Variants in GRM7 observed in about 807,000 individuals in gnomAD.
GRM7 encodes the protein glutamate metabotropic receptor 7.
Under a neutral mutation model 84.5 loss-of-function variants are expected in GRM7, and 35 were observed. The observed-to-expected ratio is 0.41, with a 90% CI of 0.32 to 0.55. GRM7 has a LOEUF of 0.55. Ranked by LOEUF, GRM7 falls within the 20% of genes least tolerant of loss-of-function variation. The pLI is 0.19. For missense variants in GRM7, 1,003 were observed against 1,194.6 expected (o/e 0.84, Z 2.36); for synonymous variants, 487 against 455.1 (o/e 1.07, Z -0.89).
chr3:6,949,970 A>T (rs1477921733), intron 1 of GRM7, among the ~76,000 whole-genome samples: 2 of 152,012 alleles, frequency 1.3e-5, no homozygotes, highest in Non-Finnish European at 2.9e-5. Context: ...ATTTTTTTTC[A>T]AAGTTTTTAA....
At chr3:7,554,775 T>C (rs1264546841) in intron 7 of GRM7, among the ~76,000 whole-genome samples, 1 of 152,210 alleles carries the variant, frequency 6.6e-6, no homozygotes, top group Non-Finnish European at 1.5e-5. Context: ...AGCAGGTTGA[T>C]AGCCATAAGG....
At chr3:7,194,910 T>TGG (rs1695830865) in intron 2 of GRM7, among the ~76,000 whole-genome samples, 1 of 152,146 alleles carries the variant, frequency 6.6e-6, no homozygotes, top group African/African-American at 2.4e-5. Context: ...GATTCTATGA[T>TGG]AGTCTATCTT....
chr3:7,051,487 T>C (rs545275370), intron 1 of GRM7, among the ~76,000 whole-genome samples: 1 of 151,910 alleles, frequency 6.6e-6, no homozygotes, highest in Non-Finnish European at 1.5e-5. Flanking sequence ...AGGTAGCATT[T>C]CTCCAGTCTA....
chr3:6,983,107 A>C (rs1694269417), intron 1 of GRM7, among the ~76,000 whole-genome samples: 1 of 152,272 alleles, frequency 6.6e-6, no homozygotes, highest in African/African-American at 2.4e-5. Context: ...TTAGAAATGT[A>C]TTTTAATTGA....
At chr3:7,725,768 T>C (rs1255157099) in intron 9 of GRM7, among the ~76,000 whole-genome samples, 1 of 152,206 alleles carries the variant, frequency 6.6e-6, no homozygotes, top group Non-Finnish European at 1.5e-5. Flanking sequence ...GCTGGGGCTG[T>C]CCACTTTCTA....
intron 1 of GRM7, among the ~76,000 whole-genome samples, chr3:6,919,185 G>A (rs531773435): frequency 6.6e-6 from 1 of 151,748 alleles, no homozygotes; most frequent in Non-Finnish European, 1.5e-5. Context: ...TAAAATAAAT[G>A]TATTTTATTT....
intron 2 of GRM7, among the ~76,000 whole-genome samples, chr3:7,277,547 A>G (rs1445499632): frequency 6.6e-6 from 1 of 152,120 alleles, no homozygotes; most frequent in African/African-American, 2.4e-5. Flanking sequence ...CAGTATACCC[A>G]CGTTTTTAAA....
chr3:6,972,804 A>G (rs762764657), intron 1 of GRM7, among the ~76,000 whole-genome samples: 3 of 152,130 alleles, frequency 2.0e-5, no homozygotes, highest in Non-Finnish European at 2.9e-5. Flanking sequence ...AAATAGCTTG[A>G]CTTTATCTCA....
At chr3:7,150,362 G>A (rs1403161388) in intron 2 of GRM7, among the ~76,000 whole-genome samples, 10 of 151,982 alleles carry the variant, frequency 6.6e-5, no homozygotes, top group Admixed American at 5.9e-4. Flanking sequence ...ACCGATAAGC[G>A]CCTCTTCATT....
chr3:7,407,234 G>A (rs570739533), intron 4 of GRM7, among the ~76,000 whole-genome samples: 21 of 152,306 alleles, frequency 1.4e-4, no homozygotes, highest in South Asian at 1.0e-3. Context: ...TTTATCACCC[G>A]TTCCACGCCC....
At chr3:7,437,554 AT>A (rs1319610026) in intron 5 of GRM7, among the ~76,000 whole-genome samples, 2 of 151,862 alleles carry the variant, frequency 1.3e-5, no homozygotes, top group Non-Finnish European at 2.9e-5. Context: ...AAATATATAA[AT>A]TTATGGTCTT....
chr3:7,462,158 G>T (rs1407283321), intron 7 of GRM7, among the ~76,000 whole-genome samples: 1 of 152,074 alleles, frequency 6.6e-6, no homozygotes, highest in Non-Finnish European at 1.5e-5. Context: ...GATTATCTGA[G>T]TAATTGCAGT....
At chr3:7,315,788 G>A (rs751966157) in intron 4 of GRM7, among the ~76,000 whole-genome samples, 2 of 152,090 alleles carry the variant, frequency 1.3e-5, no homozygotes, top group Non-Finnish European at 1.5e-5. Context: ...CTTGGTTGCT[G>A]TAAACCTTTG....
At chr3:7,527,189 C>T (rs767759699) in intron 7 of GRM7, among the ~76,000 whole-genome samples, 6 of 151,876 alleles carry the variant, frequency 4.0e-5, no homozygotes, top group Non-Finnish European at 7.4e-5. Context: ...CTTTTGTTTT[C>T]TATGATTTAT....
chr3:7,430,370 A>G (rs2124846966), intron 5 of GRM7, among the ~76,000 whole-genome samples: 1 of 152,352 alleles, frequency 6.6e-6, no homozygotes, highest in African/African-American at 2.4e-5. Context: ...CAGTAGGCAT[A>G]CAAGAAAAAT....
intron 1 of GRM7, among the ~76,000 whole-genome samples, chr3:6,971,453 A>G (rs1693756507): frequency 6.6e-6 from 1 of 152,184 alleles, no homozygotes; most frequent in East Asian, 1.9e-4. Context: ...TCCTATGAAC[A>G]TGGATAGCCC....
intron 1 of GRM7, among the ~76,000 whole-genome samples, chr3:7,132,824 T>C (rs1373167932): frequency 1.3e-5 from 2 of 152,220 alleles, no homozygotes; most frequent in African/African-American, 4.8e-5. Context: ...TTCCATAGCA[T>C]TTCTGTTAAG....
chr3:7,668,790 A>C (rs1193059878), intron 8 of GRM7, among the ~76,000 whole-genome samples: 1 of 152,214 alleles, frequency 6.6e-6, no homozygotes, highest in Admixed American at 6.5e-5. Flanking sequence ...TTTTGCATGG[A>C]TTTCTCAAAT....
At chr3:7,734,839 TTTAAAAAAGGATTTAAGAGAGATCA>T in intron 9 of GRM7, among the ~76,000 whole-genome samples, 1 of 152,324 alleles carries the variant, frequency 6.6e-6, no homozygotes, top group Admixed American at 6.5e-5. Context: ...GAGTAGTAAA[TTTAAAAAAGGATTTAAGAGAGATCA>T]TTATAAAATG....
Sources: gnomAD v4.1 joint callset for allele counts (sites outside exome capture counted in the v4.1 genomes callset) on GRCh38, gnomAD v4.1.1 for gene constraint, MANE v1.5 for transcripts, NCBI Gene and HGNC (gene_info 2026-07-23, HGNC 2026-07-21) for gene names.